The following RAB3C variants were observed in gnomAD, a reference collection of about 807,000 sequenced individuals.
RAB3C encodes the protein RAB3C, member RAS oncogene family, also known as ras-related protein Rab-3C.
In RAB3C, 17 loss-of-function variants were observed where a neutral mutation model predicts 26.4. The ratio of observed to expected loss-of-function variants is 0.64; its 90% CI spans 0.44 to 0.97. The LOEUF (loss-of-function observed/expected upper bound fraction) is 0.97. Ranked by LOEUF, RAB3C falls within the 50% of genes least tolerant of loss-of-function variation. RAB3C has a pLI of 0.00. For synonymous variants in RAB3C, 91 were observed against 95.9 expected (o/e 0.95, Z 0.30); for missense variants, 242 against 281.9 (o/e 0.86, Z 1.01).
intron 3 of RAB3C, chr5:58,742,002 T>TAA (rs147522926): frequency 3.0e-5 from 4 of 134,874 alleles, no homozygotes; most frequent in Non-Finnish European, 6.4e-5. Context: ...AGACTCCGTC[T>TAA]AAAAAAAAAA....
At chr5:58,672,268 A>T (rs1561284970) in intron 2 of RAB3C, among the ~76,000 whole-genome samples, 1 of 152,144 alleles carries the variant, frequency 6.6e-6, no homozygotes, top group Non-Finnish European at 1.5e-5. Flanking sequence ...GGCACAGGTG[A>T]TCCCCTGGGG....
intron 2 of RAB3C, among the ~76,000 whole-genome samples, chr5:58,682,119 T>G (rs1487149849): frequency 6.6e-6 from 1 of 152,112 alleles, no homozygotes; most frequent in Non-Finnish European, 1.5e-5. Flanking sequence ...AGTTTCAGTT[T>G]GGAAGTATTG....
intron 1 of RAB3C, among the ~76,000 whole-genome samples, chr5:58,612,530 A>ATATACG (rs1746732470): frequency 1.4e-5 from 1 of 69,330 alleles, no homozygotes; most frequent in African/African-American, 4.4e-5. Flanking sequence ...GTATATATAT[A>ATATACG]TATATATATA....
chr5:58,603,382 T>G (rs1185953475), intron 1 of RAB3C, among the ~76,000 whole-genome samples: 1 of 152,198 alleles, frequency 6.6e-6, no homozygotes, highest in Admixed American at 6.5e-5. Flanking sequence ...TGGGGAAGTT[T>G]TCCTCAATTA....
At chr5:58,694,465 G>C (rs1249187169) in intron 2 of RAB3C, among the ~76,000 whole-genome samples, 1 of 152,096 alleles carries the variant, frequency 6.6e-6, no homozygotes, top group Non-Finnish European at 1.5e-5. Flanking sequence ...GGGATTGCTG[G>C]GTCAAATGGT....
At chr5:58,701,651 G>A (rs1030189422) in intron 2 of RAB3C, among the ~76,000 whole-genome samples, 1 of 152,126 alleles carries the variant, frequency 6.6e-6, no homozygotes, top group Non-Finnish European at 1.5e-5. Context: ...AACTGTAGGG[G>A]AGAATCCACT....
chr5:58,676,181 T>G (rs959370223), intron 2 of RAB3C, among the ~76,000 whole-genome samples: 33 of 152,094 alleles, frequency 2.2e-4, no homozygotes, highest in African/African-American at 8.0e-4. Context: ...TCTGTAACAT[T>G]CAGACAACCT....
intron 3 of RAB3C, among the ~76,000 whole-genome samples, chr5:58,732,452 TAAC>T (rs910478017): frequency 8.5e-5 from 13 of 152,146 alleles, no homozygotes; most frequent in Non-Finnish European, 1.0e-4. Context: ...GGGTTTATGT[TAAC>T]AATAGCTTTT....
At chr5:58,596,936 A>ATACATAATATATT in intron 1 of RAB3C, among the ~76,000 whole-genome samples, 1 of 95,424 alleles carries the variant, frequency 1.0e-5, no homozygotes, top group African/African-American at 4.4e-5. Flanking sequence ...ATTATATATA[A>ATACATAATATATT]ATATATAATA....
intron 1 of RAB3C, among the ~76,000 whole-genome samples, chr5:58,604,689 G>A (rs544596468): frequency 1.4e-4 from 22 of 152,310 alleles, no homozygotes; most frequent in African/African-American, 4.8e-4. Context: ...GTTTCCAGGT[G>A]GAGGGCAAGA....
At chr5:58,806,584 CGTTT>C (rs1742944429) in intron 3 of RAB3C, among the ~76,000 whole-genome samples, 1 of 152,088 alleles carries the variant, frequency 6.6e-6, no homozygotes, top group African/African-American at 2.4e-5. Context: ...ACACTATGGA[CGTTT>C]GTTGGGAAAG....
chr5:58,677,727 C>T (rs1028676269), intron 2 of RAB3C, among the ~76,000 whole-genome samples: 2 of 152,064 alleles, frequency 1.3e-5, no homozygotes, highest in Non-Finnish European at 2.9e-5. Flanking sequence ...GAACTGATAG[C>T]GGCTATCTAG....
rs879294409 is a variant in RAB3C, at chr5:58,810,385, C to CTCTCTCTCTG, written c.372-14652_372-14651insCTCTCTCTGT. Among the ~76,000 whole-genome samples the CTCTCTCTCTG allele has an allele frequency of 2.2e-3, 328 of 147,000 alleles. 3 individuals are homozygous for CTCTCTCTCTG. Among genetic ancestry groups the CTCTCTCTCTG allele is most frequent in the Middle Eastern group, 6.8e-3 (2 of 292 alleles). The stretch of plus-strand genomic sequence containing the variant: ...GTGTGCTCTCTCTCTCTCTCTCTCT[C>CTCTCTCTCTG]TGTGTGTGTGTGTGTGTGTGTGTGT... On this transcript the variant is annotated intron_variant, in intron 3 of 4. Transcript: ENST00000282878.
At chr5:58,632,919 T>A (rs1747215138) in intron 2 of RAB3C, among the ~76,000 whole-genome samples, 1 of 152,210 alleles carries the variant, frequency 6.6e-6, no homozygotes, top group Non-Finnish European at 1.5e-5. Context: ...TTAGAAGCAT[T>A]TTCTCTCCAT....
rs117129746 is a variant in RAB3C at position 58,586,245 on chromosome 5, T to A, written c.24+3013T>A. On this transcript the variant is annotated intron_variant, in intron 1 of 4. Transcript: ENST00000282878. ...ATCCTAGCAGTCACTATTACCCTAA[T>A]TATAGGCATGATCACTCGAACTTAT... 1.3e-3 allele frequency among the ~76,000 whole-genome samples: 193 copies of A among 152,190 alleles called. 6 individuals carry two copies. The East Asian group carries it at 0.032, about 25-fold the overall frequency.
intron 4 of RAB3C, among the ~76,000 whole-genome samples, chr5:58,843,864 C>T (rs1743929651): frequency 6.6e-6 from 1 of 152,182 alleles, no homozygotes. Flanking sequence ...TTCTCTTTCT[C>T]TCCATTTCCC....
rs545353642 is a variant in RAB3C, at chr5:58,835,368, A to G, written c.496+10206A>G. ...CAACCTTTGACCCCTGAGTTTCCCC[A>G]TTCTCATGATTCTGACAGCTCCAAG... On this transcript the variant is annotated intron_variant, in intron 4 of 4. Coordinates refer to ENST00000282878, the MANE Select transcript of RAB3C (RefSeq NM_138453.4). 2.3e-3 allele frequency among the ~76,000 whole-genome samples: 348 copies of G among 152,236 alleles called. 3 individuals are homozygous for G. The highest frequency in any genetic ancestry group is 2.2e-3 in the Non-Finnish European group (152 of 68,018).
chr5:58,747,403 C>T (rs1741423784), intron 3 of RAB3C, among the ~76,000 whole-genome samples: 1 of 151,948 alleles, frequency 6.6e-6, no homozygotes, highest in East Asian at 1.9e-4. Flanking sequence ...ATTTGGTTAT[C>T]CTACTTTTTA....
intron 1 of RAB3C, among the ~76,000 whole-genome samples, chr5:58,608,035 A>G (rs1264285287): frequency 6.6e-6 from 1 of 152,214 alleles, no homozygotes; most frequent in Non-Finnish European, 1.5e-5. Flanking sequence ...TAATGGGCAA[A>G]ATAACCAGCT....
Sources: allele counts gnomAD v4.1 joint callset (sites outside exome capture counted in the v4.1 genomes callset), GRCh38; gene constraint gnomAD v4.1.1; transcripts MANE v1.5; gene names NCBI Gene and HGNC (gene_info 2026-07-23, HGNC 2026-07-21).